Variants in GABBR2 observed in about 807,000 individuals in gnomAD.
The protein encoded by GABBR2 is gamma-aminobutyric acid type B receptor subunit 2, also known as G-protein coupled receptor 51.
In GABBR2, 23 loss-of-function variants were observed where a neutral mutation model predicts 105.6. The observed-to-expected ratio is 0.22, with a 90% CI of 0.16 to 0.31. The LOEUF is 0.31. Ranked by LOEUF, GABBR2 falls within the 10% of genes least tolerant of loss-of-function variation. The pLI, the probability that GABBR2 is intolerant of heterozygous loss-of-function variation, is 1.00. For missense variants in GABBR2, 734 were observed against 1,245.5 expected, an observed-to-expected ratio of 0.59 and a Z score of 6.18; for synonymous variants, 478 against 499.7, an observed-to-expected ratio of 0.96 and a Z score of 0.58.
intron 3 of GABBR2, among the ~76,000 whole-genome samples, chr9:98,515,519 C>T (rs985711570): frequency 1.3e-5 from 2 of 152,176 alleles, no homozygotes; most frequent in African/African-American, 4.8e-5. Flanking sequence ...AAGCCCCTAG[C>T]ATTTGCAAAC....
intron 1 of GABBR2, among the ~76,000 whole-genome samples, chr9:98,675,846 A>T (rs1830470528): frequency 6.6e-6 from 1 of 152,208 alleles, no homozygotes; most frequent in Non-Finnish European, 1.5e-5. Context: ...ACTCCACCAA[A>T]TGTTGCTGTA....
At chr9:98,355,880 GA>G (rs1417205780) in intron 13 of GABBR2, among the ~76,000 whole-genome samples, 1 of 152,176 alleles carries the variant, frequency 6.6e-6, no homozygotes, top group Non-Finnish European at 1.5e-5. Flanking sequence ...CAATGTAATG[GA>G]ACAGGGAGCT....
At position 98,307,252 on chromosome 9, in the gene GABBR2, T is replaced by A. The variant is rs776567597; in HGVS notation, c.2005-907A>T. On this transcript the variant is annotated intron_variant, in intron 14 of 18. Transcript: ENST00000259455. Reference sequence around the variant, plus strand: ...TAACCAATAGATGTCTTGACAGAAATGGACAGGGTAGAGGCCAACTATGAT... The same window carrying A: ...TAACCAATAGATGTCTTGACAGAAAAGGACAGGGTAGAGGCCAACTATGAT... Among the ~76,000 whole-genome samples the A allele has an allele frequency of 6.1e-4, 93 of 152,250 alleles. 1 individual carries two copies. The highest frequency in any genetic ancestry group is 5.8e-4 in the East Asian group (3 of 5,190).
At position 98,448,187 on chromosome 9, in the gene GABBR2, C is replaced by T. The variant is rs971357718; in HGVS notation, c.1236+5794G>A. Among the ~76,000 whole-genome samples the T allele has an allele frequency of 5.3e-5, 8 of 152,040 alleles. No homozygotes were observed. In the South Asian group the frequency reaches 1.7e-3, roughly 32 times the overall value. ...ACTTAATGGGTCACTCTCTTTCCAA[C>T]TGTGATCGTTCCCACATAGAGTACA... On this transcript the variant is annotated intron_variant, in intron 7 of 18. Coordinates refer to ENST00000259455, the MANE Select transcript of GABBR2 (RefSeq NM_005458.8).
chr9:98,698,222 G>A (rs534033348), intron 1 of GABBR2, among the ~76,000 whole-genome samples: 1 of 152,156 alleles, frequency 6.6e-6, no homozygotes, highest in African/African-American at 2.4e-5. Context: ...GCAGGAGAAG[G>A]GGGTCTGCTT....
chr9:98,403,756 A>AT (rs1554701359), intron 8 of GABBR2, among the ~76,000 whole-genome samples: 15,678 of 145,262 alleles, frequency 0.11, 924 homozygotes, highest in Middle Eastern at 0.14. Flanking sequence ...GAAAAAAAAA[A>AT]ATATATATAT....
chr9:98,475,155 C>T (rs1826763784), intron 5 of GABBR2, among the ~76,000 whole-genome samples: 1 of 152,102 alleles, frequency 6.6e-6, no homozygotes, highest in Admixed American at 6.5e-5. Context: ...AGACACTGTA[C>T]TTCTCATAAT....
chr9:98,316,922 C>T (rs2050573), intron 13 of GABBR2, among the ~76,000 whole-genome samples: 3,813 of 152,312 alleles, frequency 0.025, 164 homozygotes, highest in East Asian at 0.16. Flanking sequence ...GCGTGTGTGA[C>T]TCTCAAACCA....
At chr9:98,611,036 C>T (rs1377457735) in intron 1 of GABBR2, among the ~76,000 whole-genome samples, 4 of 152,150 alleles carry the variant, frequency 2.6e-5, no homozygotes, top group African/African-American at 7.2e-5. Flanking sequence ...TCCTTGACAT[C>T]GCTCTCCCCA....
At chr9:98,508,205 A>G (rs893178405) in intron 3 of GABBR2, among the ~76,000 whole-genome samples, 2 of 152,246 alleles carry the variant, frequency 1.3e-5, no homozygotes, top group Non-Finnish European at 2.9e-5. Flanking sequence ...CTCTGACACC[A>G]AACTAGAAGA....
chr9:98,484,513 T>G (rs549658165), intron 4 of GABBR2, among the ~76,000 whole-genome samples: 12 of 151,784 alleles, frequency 7.9e-5, no homozygotes. Flanking sequence ...CGCTGCCAAG[T>G]CTGGAAGGAA....
intron 7 of GABBR2, among the ~76,000 whole-genome samples, chr9:98,446,489 G>T (rs1397059374): frequency 6.6e-6 from 1 of 152,212 alleles, no homozygotes; most frequent in Non-Finnish European, 1.5e-5. Context: ...TCTTGTTATA[G>T]TTGATCACTG....
chr9:98,554,648 A>C (rs182352226), intron 2 of GABBR2, among the ~76,000 whole-genome samples: 1 of 152,324 alleles, frequency 6.6e-6, no homozygotes, highest in East Asian at 1.9e-4. Context: ...AAGAGACAGC[A>C]TTTATTTATT....
intron 7 of GABBR2, among the ~76,000 whole-genome samples, chr9:98,411,250 A>G (rs1588146526): frequency 6.6e-6 from 1 of 152,354 alleles, no homozygotes; most frequent in African/African-American, 2.4e-5. Flanking sequence ...GGAGCCATAA[A>G]GCTGCATTTT....
intron 1 of GABBR2, among the ~76,000 whole-genome samples, chr9:98,654,612 C>A (rs1830154582): frequency 6.6e-6 from 1 of 152,150 alleles, no homozygotes; most frequent in African/African-American, 2.4e-5. Flanking sequence ...AGGGGCGAGG[C>A]AGACATCCTT....
At chr9:98,508,371 C>T in intron 3 of GABBR2, among the ~76,000 whole-genome samples, 1 of 152,238 alleles carries the variant, frequency 6.6e-6, no homozygotes, top group Non-Finnish European at 1.5e-5. Context: ...GCATTTCCAA[C>T]TGAAGTACCG....
chr9:98,453,893 C>T, intron 7 of GABBR2, 88 bp downstream of exon 7: 1 of 876,784 alleles, frequency 1.1e-6, no homozygotes. Flanking sequence ...TAACAGATCA[C>T]ATAACAGAAA....
chr9:98,575,997 C>A (rs1235021841), intron 2 of GABBR2, among the ~76,000 whole-genome samples: 1 of 152,210 alleles, frequency 6.6e-6, no homozygotes, highest in Non-Finnish European at 1.5e-5. Context: ...CATGCACCTA[C>A]CATAGCACCT....
At chr9:98,671,620 C>T (rs558497316) in intron 1 of GABBR2, among the ~76,000 whole-genome samples, 24 of 152,286 alleles carry the variant, frequency 1.6e-4, no homozygotes, top group Admixed American at 9.8e-4. Flanking sequence ...GAATGAACAA[C>T]GGTTCCAGTC....
Sources: gnomAD v4.1 joint callset for allele counts (sites outside exome capture counted in the v4.1 genomes callset) on GRCh38, gnomAD v4.1.1 for gene constraint, MANE v1.5 for transcripts, NCBI Gene and HGNC (gene_info 2026-07-23, HGNC 2026-07-21) for gene names.